Variants in ATG7 observed in about 807,000 individuals in gnomAD.
ATG7 encodes ubiquitin-like modifier-activating enzyme ATG7.
A neutral mutation model predicts 82.4 loss-of-function variants in ATG7; 70 were observed. That is an observed-to-expected ratio of 0.85 (90% CI 0.70 to 1.04). The LOEUF is 1.04. Among genes scored for constraint, ATG7 ranks in the 50% least tolerant of loss-of-function variants. The pLI, the probability that ATG7 is intolerant of heterozygous loss-of-function variation, is 0.00. For synonymous variants in ATG7, 287 were observed against 313.0 expected, an observed-to-expected ratio of 0.92 and a Z score of 0.88; for missense variants, 792 against 864.3, an observed-to-expected ratio of 0.92 and a Z score of 1.05.
intron 18 of ATG7, among the ~76,000 whole-genome samples, chr3:11,367,160 G>A (rs1462155813): frequency 2.0e-5 from 3 of 152,166 alleles, no homozygotes; most frequent in Non-Finnish European, 4.4e-5. Flanking sequence ...CCTAAGTGGA[G>A]TGAGTCCATT....
At chr3:11,359,057 A>G (rs543692541) in intron 15 of ATG7, among the ~76,000 whole-genome samples, 1 of 152,306 alleles carries the variant, frequency 6.6e-6, no homozygotes, top group East Asian at 1.9e-4. Flanking sequence ...ACATTATATT[A>G]AATAAGGAAG....
chr3:11,337,282 G>A (rs940447672), intron 11 of ATG7, among the ~76,000 whole-genome samples: 4 of 152,052 alleles, frequency 2.6e-5, no homozygotes, highest in Non-Finnish European at 5.9e-5. Context: ...GTGAAACCCC[G>A]TCTCTACTAA....
At chr3:11,559,521 C>T, downstream of ATG7, 1 of 1,463,366 alleles carries the variant, frequency 6.8e-7, no homozygotes, top group Non-Finnish European at 9.1e-7. Context: ...CCCTGGGGCC[C>T]TCCCCAGCAC....
At chr3:11,381,504 C>T (rs968659180) in intron 19 of ATG7, among the ~76,000 whole-genome samples, 13 of 152,176 alleles carry the variant, frequency 8.5e-5, no homozygotes, top group Non-Finnish European at 1.5e-4. Flanking sequence ...ATTAAATTAG[C>T]CTTTCAGATA....
chr3:11,545,075 A>C (rs1461051080), intron 20 of ATG7, among the ~76,000 whole-genome samples: 2 of 152,144 alleles, frequency 1.3e-5, no homozygotes, highest in African/African-American at 4.8e-5. Flanking sequence ...TAAGCCAAAG[A>C]AGCCTGTGAA....
intron 9 of ATG7, among the ~76,000 whole-genome samples, chr3:11,321,740 A>G (rs1950252924): frequency 6.6e-6 from 1 of 152,232 alleles, no homozygotes; most frequent in Non-Finnish European, 1.5e-5. Flanking sequence ...GCATACAGTA[A>G]CAACACCCCC....
intron 20 of ATG7, among the ~76,000 whole-genome samples, chr3:11,522,038 A>G (rs2124922678): frequency 6.6e-6 from 1 of 152,296 alleles, no homozygotes; most frequent in Admixed American, 6.5e-5. Context: ...AAGGGACACT[A>G]AGGGCCATAG....
chr3:11,464,278 G>A (rs574888879), intron 20 of ATG7, among the ~76,000 whole-genome samples: 1 of 152,328 alleles, frequency 6.6e-6, no homozygotes, highest in Admixed American at 6.5e-5. Flanking sequence ...AGTCTGAGGT[G>A]GGAGGATTGC....
At chr3:11,543,024 C>T (rs879351300) in intron 20 of ATG7, among the ~76,000 whole-genome samples, 10 of 152,094 alleles carry the variant, frequency 6.6e-5, no homozygotes, top group African/African-American at 1.4e-4. Flanking sequence ...TGGTCTGCTG[C>T]CCCCCTCCCT....
chr3:11,332,828 C>G, intron 10 of ATG7, 144 bp from the exon 11 acceptor site: 1 of 799,016 alleles, frequency 1.3e-6, no homozygotes. Flanking sequence ...AGAGTTAAGG[C>G]CATCTCCTGT....
At chr3:11,362,060 T>G (rs1195717634) in intron 16 of ATG7, among the ~76,000 whole-genome samples, 2 of 152,200 alleles carry the variant, frequency 1.3e-5, no homozygotes, top group Non-Finnish European at 2.9e-5. Context: ...TCTGTTATGG[T>G]GTTATAATAT....
rs1575991347 is a variant in ATG7, at chr3:11,391,048, C to A, written c.1956+10996C>A. Among the ~76,000 whole-genome samples the A allele has an allele frequency of 2.0e-5, 3 of 152,256 alleles. No individual in the cohort carries two copies. The South Asian group carries it at 6.2e-4, about 32-fold the overall frequency. ...TGTGATGGGTGTCATGTAGTTGGCA[C>A]TGTCAGTGTTTTCCGTTGATCTTTT... is the stretch of plus-strand genomic sequence containing the variant. On this transcript the variant is annotated intron_variant, in intron 19 of 20. Transcript: ENST00000693202.
the ATG7 span, among the ~76,000 whole-genome samples, chr3:11,565,379 C>T: frequency 8.5e-5 from 13 of 152,226 alleles, no homozygotes; most frequent in South Asian, 6.2e-4. This position sits in a 1 kb window ranked among gnomAD's most constrained non-coding sequence, Gnocchi z 4.1. Context: ...TTGGACAGGA[C>T]GGGGACGCTG....
At chr3:11,459,718 T>TG (rs2086121753) in intron 20 of ATG7, among the ~76,000 whole-genome samples, 1 of 152,236 alleles carries the variant, frequency 6.6e-6, no homozygotes, top group Admixed American at 6.5e-5. Flanking sequence ...GATAGCCTTT[T>TG]GTCGAGGCAA....
At chr3:11,503,318 C>G (rs1274898906) in intron 20 of ATG7, among the ~76,000 whole-genome samples, 1 of 152,028 alleles carries the variant, frequency 6.6e-6, no homozygotes, top group Non-Finnish European at 1.5e-5. Context: ...GGAAAAAAGA[C>G]AATGTAAGGA....
chr3:11,429,246 A>G lies in ATG7; in HGVS notation c.2079+2320A>G, dbSNP rs2082638840. Among the ~76,000 whole-genome samples the G allele has an allele frequency of 2.0e-5, 3 of 152,266 alleles. No homozygotes were observed. The South Asian group carries it at 6.2e-4, about 32-fold the overall frequency. On this transcript the variant is annotated intron_variant, in intron 20 of 20. Coordinates refer to ENST00000693202, the MANE Select transcript of ATG7 (RefSeq NM_001349232.2). Reference sequence around the variant, plus strand: ...CGTGGTGGCTCACAGCTGTAATCCTAGCACTTTGGGAGGCCGAGGGGGGCA... The same window carrying G: ...CGTGGTGGCTCACAGCTGTAATCCTGGCACTTTGGGAGGCCGAGGGGGGCA...
At chr3:11,430,723 C>T (rs1659278256) in intron 20 of ATG7, among the ~76,000 whole-genome samples, 1 of 152,224 alleles carries the variant, frequency 6.6e-6, no homozygotes, top group South Asian at 2.1e-4. Flanking sequence ...GTGTGAGAAG[C>T]TGACATGGAA....
At chr3:11,559,138 G>A (rs77468819), downstream of ATG7, among the ~76,000 whole-genome samples, 1,012 of 152,338 alleles carry the variant, frequency 6.6e-3, 69 homozygotes, top group East Asian at 0.14. Flanking sequence ...TGAGCGAGGC[G>A]GTGTGTTTCT....
chr3:11,571,482 G>A, the ATG7 span, among the ~76,000 whole-genome samples: 548 of 152,008 alleles, frequency 3.6e-3, 3 homozygotes, highest in Non-Finnish European at 5.8e-3. Context: ...CCAGGAGTTC[G>A]AGACCAGCCT....
Sources: gnomAD v4.1 joint callset for allele counts (sites outside exome capture counted in the v4.1 genomes callset) on GRCh38, gnomAD v4.1.1 for gene constraint, Gnocchi (gnomAD v3.1) non-coding constraint, MANE v1.5 for transcripts, NCBI Gene and HGNC (gene_info 2026-07-23, HGNC 2026-07-21) for gene names.